The following MS4A6A variants were observed in gnomAD, a reference collection of about 807,000 sequenced individuals.
MS4A6A encodes membrane spanning 4-domains A6A.
A neutral mutation model predicts 20.6 loss-of-function variants in MS4A6A; 19 were observed. The observed-to-expected ratio is 0.92, with a 90% confidence interval of 0.64 to 1.36. MS4A6A has a LOEUF of 1.36. Among genes scored for constraint, MS4A6A ranks in the 40% most tolerant of loss-of-function variants. MS4A6A has a pLI of 0.00. For synonymous variants in MS4A6A, 108 were observed against 105.0 expected, an observed-to-expected ratio of 1.03 and a Z score of -0.17; for missense variants, 272 against 261.1, an observed-to-expected ratio of 1.04 and a Z score of -0.29.
upstream of MS4A6A, chr11:60,183,265 G>T: frequency 1.6e-6 from 2 of 1,245,782 alleles, no homozygotes; most frequent in Non-Finnish European, 2.2e-6. Flanking sequence ...TGTGTGAATT[G>T]CCACTTCGAG....
intron 5 of MS4A6A, among the ~76,000 whole-genome samples, chr11:60,173,358 T>A (rs1026642417): frequency 1.3e-5 from 2 of 152,192 alleles, no homozygotes; most frequent in African/African-American, 4.8e-5. Flanking sequence ...TTAAATCAAC[T>A]AATCTACTTC....
chr11:60,173,031 A>G lies in MS4A6A; in HGVS notation c.648T>C (p.Pro216=). Residue 216 remains proline (P), a synonymous_variant, in exon 6 of 6, where the codon CCT becomes CCC. Transcript: ENST00000528851. Reference sequence around the variant, plus strand: ...TGAAGCCGGCCAGCACACTCACCCCAGGGAAGTCAGAGTAAGCCTGTTTCC... The same window carrying G: ...TGAAGCCGGCCAGCACACTCACCCCGGGGAAGTCAGAGTAAGCCTGTTTCC... ...LRWKQAYSDF[P]GVSVLAGFT The G allele has an allele frequency of 6.2e-7, 1 of 1,614,140 alleles. No homozygotes were observed. Among genetic ancestry groups the G allele is most frequent in the Non-Finnish European group, 8.5e-7 (1 of 1,179,976 alleles).
chr11:60,181,536 G>T, intron 2 of MS4A6A, 45 bp downstream of exon 2: 1 of 1,607,758 alleles, frequency 6.2e-7, no homozygotes, highest in Non-Finnish European at 8.5e-7. Flanking sequence ...TCATCTCTTG[G>T]CACTTCCCCC....
At chr11:60,181,150 A>G in intron 2 of MS4A6A, 1 of 425,308 alleles carries the variant, frequency 2.4e-6, no homozygotes, top group South Asian at 1.7e-5. Flanking sequence ...CATTCTCAAA[A>G]ACGTTAGGAG....
upstream of MS4A6A, chr11:60,184,469 G>C (rs899184074): frequency 3.9e-5 from 6 of 152,176 alleles, no homozygotes; most frequent in Non-Finnish European, 8.8e-5. Context: ...CAGTCTCTTT[G>C]GTCTCTTCAG....
Position 60,173,040 on chromosome 11 carries a change from A to T in MS4A6A, c.639T>A (p.Ser213=), listed in dbSNP as rs1299290097. ...TAVLRWKQAY[S]DFPGVSVLAG... is the part of the protein sequence containing the mutation. Reference sequence around the variant, plus strand: ...CCAGCACACTCACCCCAGGGAAGTCAGAGTAAGCCTGTTTCCACCGCAGCA... The same window carrying T: ...CCAGCACACTCACCCCAGGGAAGTCTGAGTAAGCCTGTTTCCACCGCAGCA... The change falls in exon 6 of 6, where the codon TCT becomes TCA. Residue 213 remains serine, a synonymous_variant. Coordinates refer to ENST00000528851, the MANE Select transcript of MS4A6A (RefSeq NM_022349.4). 2 of 1,614,026 alleles carry T rather than the reference A, an allele frequency of 1.2e-6. No homozygotes were observed. Among genetic ancestry groups the T allele is most frequent in the African/African-American group, 2.7e-5 (2 of 74,922 alleles).
At chr11:60,173,220 C>T in intron 5 of MS4A6A, 91 bp from the exon 6 acceptor site, 1 of 1,098,468 alleles carries the variant, frequency 9.1e-7, no homozygotes. Flanking sequence ...TGAAGACCAC[C>T]TCAACCATTA....
intron 3 of MS4A6A, chr11:60,178,831 A>C: frequency 2.4e-6 from 1 of 411,606 alleles, no homozygotes; most frequent in Non-Finnish European, 4.8e-6. Flanking sequence ...ACCATACTCT[A>C]AACATCAAAA....
intron 5 of MS4A6A, among the ~76,000 whole-genome samples, chr11:60,174,642 G>A (rs530588272): frequency 5.9e-5 from 9 of 152,132 alleles, no homozygotes; most frequent in African/African-American, 2.2e-4. Flanking sequence ...CTCTTATGTT[G>A]CCTGTTTTTC....
Position 60,172,810 on chromosome 11 carries a change from A to G in MS4A6A, c.*191T>C, listed in dbSNP as rs1856646771. On this transcript the variant is annotated 3_prime_UTR_variant, in exon 6 of 6. Transcript: ENST00000528851. ...GGAAGATTGAATCAGTTGATTTCTC[A>G]TGATTAACTATTTTCATATCCAGTG... The G allele has an allele frequency of 2.9e-6, 4 of 1,374,196 alleles. No homozygotes were observed. Among genetic ancestry groups the G allele is most frequent in the South Asian group, 3.0e-5 (2 of 65,586 alleles). 85.1% of individuals were successfully genotyped at this position (1,374,196 alleles called of 1,614,324 possible). A position where few individuals can be genotyped will look rare whatever the true frequency, so the allele number is the denominator to read the frequency against.
At position 60,178,303 on chromosome 11, in the gene MS4A6A, C is replaced by T. The variant is rs764908234; in HGVS notation, c.296G>A (p.Gly99Asp). Residue 99 changes from glycine to aspartate, a missense_variant, in exon 4 of 6, where the codon GGC becomes GAC. By Grantham distance (94) the Gly-to-Asp change is moderately conservative. Transcript: ENST00000528851. ...TTTCTCTGTGGCGATTGATAGAGAG[C>T]CAGAGATGATAAACTAAGATAAAAG... The part of the protein sequence containing the change: ...FIGPFFFIIS[G>D]SLSIATEKRL... The T allele has an allele frequency of 1.6e-5, 26 of 1,613,176 alleles. No homozygotes were observed. Among genetic ancestry groups the T allele is most frequent in the Non-Finnish European group, 2.2e-5 (26 of 1,179,484 alleles).
rs2083820107 is a variant in MS4A6A at position 60,183,034 on chromosome 11, G to A, written c.-71C>T. ...AAGCTCCAAAGAGGTTTTAACTCTG[G>A]TTTCTCAGTCCCATCAACGGTTTCT... On this transcript the variant is annotated 5_prime_UTR_variant, in exon 1 of 6. Transcript: ENST00000528851. 2.1e-6 allele frequency: 3 copies of A among 1,436,872 alleles called. No individual in the cohort carries two copies. The African/African-American group carries it at 4.4e-5, about 21-fold the overall frequency. 89.0% of individuals were successfully genotyped at this position (1,436,872 alleles called of 1,614,324 possible). A position where few individuals can be genotyped will look rare whatever the true frequency, so the allele number is the denominator to read the frequency against.
Position 60,178,278 on chromosome 11 carries a change from T to C in MS4A6A, c.321A>G (p.Lys107=), listed in dbSNP as rs1278736576. Residue 107 remains lysine (K), a synonymous_variant, in exon 4 of 6, where the codon AAA becomes AAG. Coordinates refer to ENST00000528851, the MANE Select transcript of MS4A6A (RefSeq NM_022349.4). ...TACTCACCAAAAGCTTGGTTAACCT[T>C]TTCTCTGTGGCGATTGATAGAGAGC... ...ISGSLSIATE[K]RLTKLLVHSS... is the part of the protein sequence containing the mutation. 1 of 1,613,624 alleles carries C rather than the reference T, an allele frequency of 6.2e-7. No individual in the cohort carries two copies. Among genetic ancestry groups the C allele is most frequent in the South Asian group, 1.1e-5 (1 of 91,046 alleles).
chr11:60,175,500 A>G lies in MS4A6A; in HGVS notation c.451T>C (p.Leu151=), dbSNP rs772143334. 4 of 1,614,144 alleles carry G rather than the reference A, an allele frequency of 2.5e-6. No homozygotes were observed. Among genetic ancestry groups the G allele is most frequent in the Non-Finnish European group, 3.4e-6 (4 of 1,180,000 alleles). ...CTTGTTGGTATATTATTTTTGTCCA[A>G]CTCACACTGCAGTGAGGCAGGATTT... ...TLNPASLQCE[L]DKNNIPTRSY... The change falls in exon 5 of 6, where the codon TTG becomes CTG. Residue 151 remains leucine (L), a synonymous_variant. Coordinates refer to ENST00000528851, the MANE Select transcript of MS4A6A (RefSeq NM_022349.4).
At chr11:60,180,150 C>T (rs2134801004) in intron 2 of MS4A6A, 185 bp from the exon 3 acceptor site, 1 of 622,884 alleles carries the variant, frequency 1.6e-6, no homozygotes, top group South Asian at 2.1e-5. Flanking sequence ...AGCTCTGCCA[C>T]AGAAGCCACA....
chr11:60,183,291 G>T (rs2083836296), upstream of MS4A6A: 1 of 973,174 alleles, frequency 1.0e-6, no homozygotes, highest in Non-Finnish European at 1.5e-6. Flanking sequence ...CAAGTTTCCT[G>T]TTGTTAGGCA....
At chr11:60,183,612 T>A (rs77870380), upstream of MS4A6A, 2,277 of 153,238 alleles carry the variant, frequency 0.015, 22 homozygotes, top group Middle Eastern at 0.027. Context: ...AAATTGTTTT[T>A]TATATATATA....
At position 60,179,702 on chromosome 11, in the gene MS4A6A, A is replaced by G. The variant is rs757891661; in HGVS notation, c.282+129T>C. 1.1e-5 allele frequency: 12 copies of G among 1,057,786 alleles called. No individual in the cohort carries two copies. In the Admixed American group the frequency reaches 1.4e-4, roughly 12 times the overall value. 65.5% of individuals were successfully genotyped at this position (1,057,786 alleles called of 1,614,324 possible). A position where few individuals can be genotyped will look rare whatever the true frequency, so the allele number is the denominator to read the frequency against. On this transcript the variant is annotated intron_variant, in intron 3 of 5. Coordinates refer to ENST00000528851, the MANE Select transcript of MS4A6A (RefSeq NM_022349.4). The stretch of plus-strand genomic sequence containing the variant: ...CCCTGTCATCCTACCCGACAGGAGA[A>G]CAAGATTCACCGTTGACTCCTTGCT...
At position 60,173,007 on chromosome 11, in the gene MS4A6A, G is replaced by A. The variant is rs1274461862; in HGVS notation, c.672C>T (p.Phe224=). The A allele has an allele frequency of 6.2e-7, 1 of 1,613,998 alleles. No homozygotes were observed. Among genetic ancestry groups the A allele is most frequent in the South Asian group, 1.1e-5 (1 of 91,080 alleles). ...DFPGVSVLAG[F]T is the part of the protein sequence containing the mutation. ...TAAGATACACTAGGCAAGGTTAAGTGAAGCCGGCCAGCACACTCACCCCAG... is the reference window on the plus strand; with the variant it reads ...TAAGATACACTAGGCAAGGTTAAGTAAAGCCGGCCAGCACACTCACCCCAG... Residue 224 remains phenylalanine, a synonymous_variant, in exon 6 of 6, where the codon TTC becomes TTT. Coordinates refer to ENST00000528851, the MANE Select transcript of MS4A6A (RefSeq NM_022349.4).
Sources: allele counts gnomAD v4.1 joint callset (sites outside exome capture counted in the v4.1 genomes callset), GRCh38; gene constraint gnomAD v4.1.1; transcripts MANE v1.5; gene names NCBI Gene and HGNC (gene_info 2026-07-23, HGNC 2026-07-21).